The following TMTC1 variants were observed in gnomAD, a reference collection of about 807,000 sequenced individuals.
TMTC1 encodes the protein protein O-mannosyl-transferase TMTC1.
A neutral mutation model predicts 104.8 loss-of-function variants in TMTC1; 73 were observed. The observed-to-expected ratio is 0.70, with a 90% CI of 0.58 to 0.85. The LOEUF (loss-of-function observed/expected upper bound fraction) is 0.85, where lower values mean the gene tolerates loss of function less well. TMTC1 is among the 40% of genes least tolerant of loss of function. The pLI is 0.00. For missense variants in TMTC1, 1,035 were observed against 1,096.1 expected (o/e 0.94, Z 0.79); for synonymous variants, 434 against 428.7 (o/e 1.01, Z -0.15).
intron 11 of TMTC1, chr12:29,535,025 T>C (rs1370727549): frequency 4.6e-5 from 7 of 152,220 alleles, no homozygotes; most frequent in Non-Finnish European, 1.0e-4. Flanking sequence ...AGAGAAGTGC[T>C]GCAGGAACAG....
At chr12:29,662,212 T>C (rs1454413754) in intron 5 of TMTC1, among the ~76,000 whole-genome samples, 1 of 152,170 alleles carries the variant, frequency 6.6e-6, no homozygotes, top group Non-Finnish European at 1.5e-5. Flanking sequence ...CAATTTTTCC[T>C]CAAAGGGGTT....
intron 5 of TMTC1, among the ~76,000 whole-genome samples, chr12:29,671,081 CA>C (rs1482149871): frequency 1.3e-5 from 2 of 151,432 alleles, no homozygotes; most frequent in Non-Finnish European, 2.9e-5. Flanking sequence ...ATCACGAGGT[CA>C]GGGGTGTGAG....
chr12:29,712,478 T>TA (rs1460834244), intron 5 of TMTC1, among the ~76,000 whole-genome samples: 1 of 152,218 alleles, frequency 6.6e-6, no homozygotes, highest in Non-Finnish European at 1.5e-5. Flanking sequence ...GAAAAGTTTT[T>TA]AAAAATTTAT....
At chr12:29,555,822 T>A (rs902452174) in intron 10 of TMTC1, among the ~76,000 whole-genome samples, 1 of 152,192 alleles carries the variant, frequency 6.6e-6, no homozygotes, top group Non-Finnish European at 1.5e-5. Flanking sequence ...TGATTTGTAA[T>A]CCTTTGGGTA....
chr12:29,511,067 CT>C (rs1320178828), intron 17 of TMTC1, among the ~76,000 whole-genome samples: 1 of 152,220 alleles, frequency 6.6e-6, no homozygotes, highest in Non-Finnish European at 1.5e-5. Context: ...TTCTCAAATA[CT>C]ACTTTGTAAC....
chr12:29,709,202 C>T (rs540664662), intron 5 of TMTC1, among the ~76,000 whole-genome samples: 9 of 152,270 alleles, frequency 5.9e-5, no homozygotes, highest in Admixed American at 1.3e-4. Flanking sequence ...CAGAGATTGG[C>T]AACAGTGTTG....
intron 9 of TMTC1, among the ~76,000 whole-genome samples, chr12:29,557,894 A>T (rs1592229412): frequency 6.6e-6 from 1 of 151,856 alleles, no homozygotes; most frequent in East Asian, 1.9e-4. Context: ...CCCCCCTCCT[A>T]CTGCAGTTTG....
chr12:29,695,210 G>A (rs1941381774), intron 5 of TMTC1, among the ~76,000 whole-genome samples: 1 of 152,026 alleles, frequency 6.6e-6, no homozygotes, highest in African/African-American at 2.4e-5. Context: ...TTGGATTTGG[G>A]GCCATGGGAT....
In TMTC1 at chr12:29,518,623, G is replaced by A. The variant is rs1480738593; in HGVS notation, c.1889-16C>T. On this transcript the variant is annotated splice_polypyrimidine_tract_variant and intron_variant, in intron 12 of 17. Coordinates refer to ENST00000539277, the MANE Select transcript of TMTC1 (RefSeq NM_001193451.2). ...TCTGGTAAGCCTGTAACCAGTGACA[G>A]GTTGGTAAGAGCAGAACATGCCTTT... 1.2e-6 allele frequency: 2 copies of A among 1,613,674 alleles called. No homozygotes were observed. The highest frequency in any genetic ancestry group is 1.1e-5 in the South Asian group (1 of 91,050).
At chr12:29,701,804 T>G (rs191400103) in intron 5 of TMTC1, among the ~76,000 whole-genome samples, 76 of 152,328 alleles carry the variant, frequency 5.0e-4, no homozygotes, top group African/African-American at 1.8e-3. Context: ...ACAGATTCAC[T>G]ACCCAATTAA....
At chr12:29,589,874 C>T (rs906730633) in intron 7 of TMTC1, among the ~76,000 whole-genome samples, 2 of 152,176 alleles carry the variant, frequency 1.3e-5, no homozygotes, top group African/African-American at 4.8e-5. Context: ...AAATTTTAAA[C>T]CTCATTATCC....
At chr12:29,761,058 GTAT>G (rs1230304095) in intron 2 of TMTC1, among the ~76,000 whole-genome samples, 4 of 147,002 alleles carry the variant, frequency 2.7e-5, no homozygotes, top group South Asian at 2.1e-4. Context: ...ATATTAATAA[GTAT>G]TATATGTTTA....
chr12:29,647,859 G>GA (rs2136584382), intron 5 of TMTC1, among the ~76,000 whole-genome samples: 1 of 152,260 alleles, frequency 6.6e-6, no homozygotes, highest in Non-Finnish European at 1.5e-5. Context: ...CAACCAATTT[G>GA]AATGTGATAA....
At chr12:29,536,167 G>T in intron 11 of TMTC1, 42 bp downstream of exon 11, 1 of 1,258,662 alleles carries the variant, frequency 7.9e-7, no homozygotes, top group Non-Finnish European at 1.2e-6. Flanking sequence ...ATTTATACAT[G>T]TAACAATAAC....
intron 10 of TMTC1, among the ~76,000 whole-genome samples, chr12:29,551,839 A>G (rs1167347996): frequency 6.6e-6 from 1 of 150,636 alleles, no homozygotes; most frequent in Non-Finnish European, 1.5e-5. Flanking sequence ...AACAAGAATT[A>G]ATATAAATTA....
At chr12:29,595,723 C>T (rs1946388781) in intron 7 of TMTC1, among the ~76,000 whole-genome samples, 1 of 152,204 alleles carries the variant, frequency 6.6e-6, no homozygotes, top group African/African-American at 2.4e-5. Context: ...CTAATCTTAT[C>T]CCATAGTATT....
In TMTC1 at chr12:29,783,416, G is replaced by A. The variant is rs1943882353; in HGVS notation, c.302+34C>T. On this transcript the variant is annotated intron_variant, in intron 1 of 17. Coordinates refer to ENST00000539277, the MANE Select transcript of TMTC1 (RefSeq NM_001193451.2). This position sits in a 1 kb window ranked among gnomAD's most constrained non-coding sequence, Gnocchi z 4.7. ...CGAGGGACGGGCGGAGGGTAGAGGAGGCAGCGGCGGCTAGCGCGAGGTGAG... is the reference window on the plus strand; with the variant it reads ...CGAGGGACGGGCGGAGGGTAGAGGAAGCAGCGGCGGCTAGCGCGAGGTGAG... 16 of 1,284,134 alleles carry A rather than the reference G, an allele frequency of 1.2e-5. No individual in the cohort carries two copies. The highest frequency in any genetic ancestry group is 7.5e-5 in the Admixed American group (2 of 26,722). The allele number at this position is 1,284,134 out of a possible 1,614,324, so 79.5% of individuals were successfully genotyped here. A position where few individuals can be genotyped will look rare whatever the true frequency, so the allele number is the denominator to read the frequency against.
chr12:29,774,680 A>G (rs760648315), intron 1 of TMTC1, among the ~76,000 whole-genome samples: 1 of 152,182 alleles, frequency 6.6e-6, no homozygotes, highest in African/African-American at 2.4e-5. Flanking sequence ...AGATCATTCA[A>G]CCAATAAATA....
At chr12:29,729,576 C>A (rs1942492117) in intron 5 of TMTC1, among the ~76,000 whole-genome samples, 1 of 152,148 alleles carries the variant, frequency 6.6e-6, no homozygotes, top group Non-Finnish European at 1.5e-5. Flanking sequence ...CAAAGGTTCC[C>A]ATCACAATGA....
Sources: gnomAD v4.1 joint callset for allele counts (sites outside exome capture counted in the v4.1 genomes callset) on GRCh38, gnomAD v4.1.1 for gene constraint, Gnocchi (gnomAD v3.1) non-coding constraint, MANE v1.5 for transcripts, NCBI Gene and HGNC (gene_info 2026-07-23, HGNC 2026-07-21) for gene names.